Variants in SRFBP1 observed in about 807,000 individuals in gnomAD.
SRFBP1 encodes serum response factor-binding protein 1.
A neutral mutation model predicts 45.5 loss-of-function variants in SRFBP1; 47 were observed. The observed-to-expected ratio is 1.03, with a 90% CI of 0.82 to 1.32. SRFBP1 has a LOEUF of 1.32. Among genes scored for constraint, SRFBP1 ranks in the 40% most tolerant of loss-of-function variants. The pLI is 0.00. For missense variants in SRFBP1, 621 were observed against 484.6 expected (o/e 1.28, Z -2.64); for synonymous variants, 203 against 166.3 (o/e 1.22, Z -1.70).
chr5:122,060,580 C>T (rs1430877447), intron 2 of SRFBP1, among the ~76,000 whole-genome samples: 1 of 152,034 alleles, frequency 6.6e-6, no homozygotes, highest in African/African-American at 2.4e-5. Context: ...ATGACACAAA[C>T]TGAGCTTATG....
At chr5:122,056,602 T>G (rs746980464) in intron 2 of SRFBP1, among the ~76,000 whole-genome samples, 1 of 152,192 alleles carries the variant, frequency 6.6e-6, no homozygotes, top group Middle Eastern at 3.2e-3. Context: ...TGGAACATCA[T>G]GATTAACAAT....
At chr5:122,009,390 TC>T (rs1753043368) in intron 4 of SRFBP1, among the ~76,000 whole-genome samples, 1 of 152,182 alleles carries the variant, frequency 6.6e-6, no homozygotes, top group Non-Finnish European at 1.5e-5. Flanking sequence ...ATTAGTCTCT[TC>T]CATTATGATA....
At chr5:122,066,815 C>T in intron 2 of SRFBP1, 2 of 1,006,590 alleles carry the variant, frequency 2.0e-6, no homozygotes, top group Non-Finnish European at 3.1e-6. Context: ...GTACAACAGA[C>T]AAATTTAAAG....
intron 2 of SRFBP1, among the ~76,000 whole-genome samples, chr5:122,037,451 A>G (rs1022954938): frequency 1.3e-5 from 2 of 152,112 alleles, no homozygotes; most frequent in Admixed American, 1.3e-4. Flanking sequence ...AAATTATTCC[A>G]TGTTTTCCTC....
Position 121,962,007 on chromosome 5 carries a change from C to A in SRFBP1, c.-26C>A, listed in dbSNP as rs201840868. On this transcript the variant is annotated 5_prime_UTR_variant, in exon 1 of 8. Transcript: ENST00000339397. ...GAGAGACCGGTTCACGTGCAGGCAG[C>A]GGCGGATCATATTCCTTCATCTACC... 4 of 1,613,294 alleles carry A rather than the reference C, an allele frequency of 2.5e-6. No homozygotes were observed. Among genetic ancestry groups the A allele is most frequent in the Non-Finnish European group, 3.4e-6 (4 of 1,179,816 alleles).
At position 121,976,497 on chromosome 5, in the gene SRFBP1, G is replaced by T. The variant is rs1411542903; in HGVS notation, c.198+1110G>T. ...CCTTTTTAAAATGATATTCCTATGAGAAATAAAATCTTTAGAGATTTTGTC... is the reference window on the plus strand; with the variant it reads ...CCTTTTTAAAATGATATTCCTATGATAAATAAAATCTTTAGAGATTTTGTC... On this transcript the variant is annotated intron_variant, in intron 3 of 7. Coordinates refer to ENST00000339397, the MANE Select transcript of SRFBP1 (RefSeq NM_152546.3). Among the ~76,000 whole-genome samples, 3 of 151,726 alleles carry T rather than the reference G, an allele frequency of 2.0e-5. No individual in the cohort carries two copies. In the South Asian group the frequency reaches 6.3e-4, roughly 32 times the overall value.
chr5:122,003,146 T>C (rs111996713), intron 4 of SRFBP1, among the ~76,000 whole-genome samples: 124 of 152,142 alleles, frequency 8.2e-4, no homozygotes, highest in African/African-American at 2.9e-3. Context: ...AGTTCAAGAC[T>C]AGCCTGGGCA....
chr5:122,041,449 T>A (rs917622206), intron 2 of SRFBP1, among the ~76,000 whole-genome samples: 1 of 152,152 alleles, frequency 6.6e-6, no homozygotes, highest in African/African-American at 2.4e-5. Context: ...TTTCGTTATT[T>A]GTTTGTGGGA....
downstream of SRFBP1, among the ~76,000 whole-genome samples, chr5:122,075,754 T>C (rs1320214948): frequency 2.6e-5 from 4 of 152,168 alleles, no homozygotes; most frequent in African/African-American, 9.7e-5. Flanking sequence ...CAATGAATAT[T>C]TGGTGAATAA....
intron 2 of SRFBP1, chr5:122,064,081 A>G (rs1312335421): frequency 1.3e-5 from 2 of 151,926 alleles, no homozygotes; most frequent in Non-Finnish European, 2.9e-5. Context: ...AAACTGACTC[A>G]TAAACTCTGA....
At chr5:122,077,118 G>A (rs1754661158), downstream of SRFBP1, 3 of 1,496,326 alleles carry the variant, frequency 2.0e-6, no homozygotes, top group Admixed American at 2.3e-5. This position sits in a 1 kb window ranked among gnomAD's most constrained non-coding sequence, Gnocchi z 4.9. Context: ...CTGCAGAGTG[G>A]AGCGGAGGAC....
chr5:122,039,199 C>T (rs914000946), intron 2 of SRFBP1, among the ~76,000 whole-genome samples: 16 of 152,126 alleles, frequency 1.1e-4, no homozygotes, highest in Non-Finnish European at 4.4e-5. Flanking sequence ...TGTCCTTACT[C>T]ATCCTAATAT....
chr5:121,998,930 T>C (rs1034730986), intron 4 of SRFBP1, among the ~76,000 whole-genome samples: 10 of 152,190 alleles, frequency 6.6e-5, no homozygotes, highest in African/African-American at 2.4e-4. Flanking sequence ...TTTGTACCCA[T>C]GTTGCTCCAC....
chr5:122,031,063 G>C (rs1050841370), downstream of SRFBP1, among the ~76,000 whole-genome samples: 2 of 152,126 alleles, frequency 1.3e-5, no homozygotes, highest in Non-Finnish European at 2.9e-5. Flanking sequence ...TTAACTTGTG[G>C]CTAAGTATTA....
At chr5:122,032,093 CA>C (rs1753597420), downstream of SRFBP1, among the ~76,000 whole-genome samples, 1 of 152,156 alleles carries the variant, frequency 6.6e-6, no homozygotes, top group African/African-American at 2.4e-5. Context: ...CACTGAACTG[CA>C]CTTTAAAAGG....
chr5:121,977,764 A>T (rs1357565960), intron 3 of SRFBP1, among the ~76,000 whole-genome samples: 2 of 152,110 alleles, frequency 1.3e-5, no homozygotes, highest in East Asian at 3.9e-4. Context: ...TTGCAGGATG[A>T]CTTCTTTGTG....
intron 2 of SRFBP1, among the ~76,000 whole-genome samples, chr5:122,044,241 G>A (rs1374479309): frequency 6.6e-6 from 1 of 151,966 alleles, no homozygotes; most frequent in African/African-American, 2.4e-5. Context: ...TTTCTTTATC[G>A]AGTCTAACAT....
chr5:122,010,207 G>A (rs1300710153), intron 4 of SRFBP1, among the ~76,000 whole-genome samples: 4 of 152,110 alleles, frequency 2.6e-5, no homozygotes, highest in Admixed American at 2.0e-4. Context: ...ATTAGAGGAA[G>A]GTTCATTTTT....
chr5:122,037,777 C>T (rs1753716526), intron 2 of SRFBP1, among the ~76,000 whole-genome samples: 1 of 152,096 alleles, frequency 6.6e-6, no homozygotes, highest in South Asian at 2.1e-4. Flanking sequence ...CTTGATTTCC[C>T]AAGGTACTGG....
Sources: allele counts gnomAD v4.1 joint callset (sites outside exome capture counted in the v4.1 genomes callset), GRCh38; gene constraint gnomAD v4.1.1; non-coding constraint Gnocchi (gnomAD v3.1); transcripts MANE v1.5; gene names NCBI Gene and HGNC (gene_info 2026-07-23, HGNC 2026-07-21).